The following RRAS2 variants were observed in gnomAD, a reference collection of about 807,000 sequenced individuals.
The protein encoded by RRAS2 is RAS related 2.
Under a neutral mutation model 27.6 loss-of-function variants are expected in RRAS2, and 7 were observed. The observed-to-expected ratio is 0.25, with a 90% CI of 0.14 to 0.48. The LOEUF is 0.48. RRAS2 is among the 20% of genes least tolerant of loss of function. The pLI is 0.99. For synonymous variants in RRAS2, 86 were observed against 90.9 expected, an observed-to-expected ratio of 0.95 and a Z score of 0.31; for missense variants, 178 against 256.2, an observed-to-expected ratio of 0.69 and a Z score of 2.08.
At chr11:14,319,989 G>A (rs1848191464) in intron 1 of RRAS2, among the ~76,000 whole-genome samples, 1 of 152,204 alleles carries the variant, frequency 6.6e-6, no homozygotes, top group Non-Finnish European at 1.5e-5. Context: ...TTGTAAAAAT[G>A]TTTAAAGAAT....
chr11:14,310,055 C>T (rs1249322692), intron 1 of RRAS2, among the ~76,000 whole-genome samples: 2 of 152,140 alleles, frequency 1.3e-5, no homozygotes, highest in East Asian at 1.9e-4. Context: ...TGGCCAGATC[C>T]GTGTTTACTT....
At chr11:14,309,798 C>CAGGCGG (rs1847917806) in intron 1 of RRAS2, among the ~76,000 whole-genome samples, 1 of 152,164 alleles carries the variant, frequency 6.6e-6, no homozygotes, top group Non-Finnish European at 1.5e-5. Context: ...AACAGGGAGG[C>CAGGCGG]AGGCGGAGAC....
chr11:14,359,188 G>A, upstream of RRAS2: 4 of 1,002,374 alleles, frequency 4.0e-6, no homozygotes, highest in Non-Finnish European at 3.6e-6. Flanking sequence ...CCGTCTGGGG[G>A]CCGGGCTGCC....
At chr11:14,356,122 T>A (rs1564986208) in intron 1 of RRAS2, among the ~76,000 whole-genome samples, 2 of 152,146 alleles carry the variant, frequency 1.3e-5, no homozygotes, top group South Asian at 4.2e-4. Context: ...ACAGAGAAGT[T>A]AAGTAACCTG....
chr11:14,326,601 C>A (rs1246926153), intron 1 of RRAS2, among the ~76,000 whole-genome samples: 1 of 152,090 alleles, frequency 6.6e-6, no homozygotes, highest in Non-Finnish European at 1.5e-5. Context: ...TATCTTTATA[C>A]CAGCTGACTT....
intron 1 of RRAS2, among the ~76,000 whole-genome samples, chr11:14,339,123 C>A (rs1554952909): frequency 1.3e-5 from 2 of 152,006 alleles, no homozygotes; most frequent in African/African-American, 4.8e-5. Context: ...TCTGCTTTAA[C>A]CTTTACAAGG....
intron 4 of RRAS2, among the ~76,000 whole-genome samples, chr11:14,282,872 A>C (rs1468249724): frequency 6.6e-6 from 1 of 152,198 alleles, no homozygotes; most frequent in African/African-American, 2.4e-5. Context: ...ATTTGCTAAT[A>C]AAGACAATTT....
rs189472072 is a variant in RRAS2, at chr11:14,308,954, T to C, written c.109-13099A>G. Among the ~76,000 whole-genome samples, 77 of 152,364 alleles carry C rather than the reference T, an allele frequency of 5.1e-4. No homozygotes were observed. The East Asian group carries it at 0.014, about 28-fold the overall frequency. On this transcript the variant is annotated intron_variant, in intron 1 of 5. Transcript: ENST00000256196. ...AAAAGATGATCATAATGATTCTTAC[T>C]TGAAAGGGCTATTGTGAAGATTAAA... is the stretch of plus-strand genomic sequence containing the variant.
intron 1 of RRAS2, among the ~76,000 whole-genome samples, chr11:14,330,726 A>G (rs1457772618): frequency 1.3e-5 from 2 of 152,250 alleles, no homozygotes; most frequent in Non-Finnish European, 2.9e-5. Flanking sequence ...GATACTTTTA[A>G]CCACAGCTAT....
chr11:14,341,502 A>G lies in RRAS2; in HGVS notation c.108+17261T>C, dbSNP rs529748897. ...AAAGCAAATCATAACACACACATTC[A>G]CGTACAAGTTTTATCCACAAATTGA... On this transcript the variant is annotated intron_variant, in intron 1 of 5. Transcript: ENST00000256196. Among the ~76,000 whole-genome samples, 5 of 152,284 alleles carry G rather than the reference A, an allele frequency of 3.3e-5. No individual in the cohort carries two copies. In the South Asian group the frequency reaches 1.0e-3, roughly 32 times the overall value.
At chr11:14,328,500 C>T (rs1274132373) in intron 1 of RRAS2, among the ~76,000 whole-genome samples, 4 of 151,656 alleles carry the variant, frequency 2.6e-5, no homozygotes, top group Non-Finnish European at 5.9e-5. Flanking sequence ...TTTTAAGATG[C>T]CATTAGGCAA....
chr11:14,332,026 C>T (rs562607525), intron 1 of RRAS2, among the ~76,000 whole-genome samples: 1 of 152,268 alleles, frequency 6.6e-6, no homozygotes, highest in Non-Finnish European at 1.5e-5. Context: ...CTAAAATACC[C>T]AGTATCGGTA....
At chr11:14,335,535 C>A (rs1053655433) in intron 1 of RRAS2, among the ~76,000 whole-genome samples, 1 of 152,058 alleles carries the variant, frequency 6.6e-6, no homozygotes, top group Admixed American at 6.5e-5. Context: ...AAAATAGAAA[C>A]AAAATCAAAA....
chr11:14,308,721 A>C (rs553306402), intron 1 of RRAS2, among the ~76,000 whole-genome samples: 1 of 152,296 alleles, frequency 6.6e-6, no homozygotes, highest in East Asian at 1.9e-4. Context: ...AGACACTTTC[A>C]AGAGTTTTTT....
chr11:14,295,722 T>A (rs782132298), intron 2 of RRAS2, 46 bp downstream of exon 2: 73 of 1,473,060 alleles, frequency 5.0e-5, no homozygotes, highest in South Asian at 6.3e-5. Context: ...CTTACTTTTT[T>A]AAAAAATATG....
Position 14,281,590 on chromosome 11 carries a change from T to A in RRAS2, c.527+12A>T, listed in dbSNP as rs782128347. 2 of 1,575,902 alleles carry A rather than the reference T, an allele frequency of 1.3e-6. No homozygotes were observed. Among genetic ancestry groups the A allele is most frequent in the South Asian group, 2.4e-5 (2 of 84,736 alleles). ...TTTATTAAAACACACATCTAGAATG[T>A]GTTTTGCTTACCTGATAACCCGGAC... On this transcript the variant is annotated intron_variant, in intron 5 of 5. Coordinates refer to ENST00000256196, the MANE Select transcript of RRAS2 (RefSeq NM_012250.6).
intron 1 of RRAS2, among the ~76,000 whole-genome samples, chr11:14,310,104 G>A (rs1409442467): frequency 1.3e-5 from 2 of 152,238 alleles, no homozygotes; most frequent in African/African-American, 4.8e-5. Context: ...TAAACTGGAT[G>A]TAGATACAGA....
chr11:14,313,501 T>A (rs1554949131), intron 1 of RRAS2, among the ~76,000 whole-genome samples: 1 of 152,222 alleles, frequency 6.6e-6, no homozygotes, highest in African/African-American at 2.4e-5. Flanking sequence ...CAACTCCTAA[T>A]GCCTGGTACC....
intron 4 of RRAS2, among the ~76,000 whole-genome samples, chr11:14,291,357 T>C (rs1159793287): frequency 1.3e-5 from 2 of 152,200 alleles, no homozygotes; most frequent in African/African-American, 4.8e-5. Context: ...TCAACATGCC[T>C]GAGTACAGGT....
Sources: allele counts gnomAD v4.1 joint callset (sites outside exome capture counted in the v4.1 genomes callset), GRCh38; gene constraint gnomAD v4.1.1; transcripts MANE v1.5; gene names NCBI Gene and HGNC (gene_info 2026-07-23, HGNC 2026-07-21).